Variants in FSTL4 observed in about 807,000 individuals in gnomAD.
FSTL4 encodes the protein follistatin-related protein 4.
A neutral mutation model predicts 78.2 loss-of-function variants in FSTL4; 28 were observed. The observed-to-expected ratio is 0.36, with a 90% CI of 0.27 to 0.49. The LOEUF (loss-of-function observed/expected upper bound fraction) is 0.49. Among genes scored for constraint, FSTL4 ranks in the 20% least tolerant of loss-of-function variants. The pLI, the probability that FSTL4 is intolerant of heterozygous loss-of-function variation, is 0.98. For synonymous variants in FSTL4, 422 were observed against 440.5 expected (o/e 0.96, Z 0.53); for missense variants, 922 against 1,084.9 (o/e 0.85, Z 2.11).
chr5:133,539,414 C>T lies in FSTL4; in HGVS notation c.160+27772G>A, dbSNP rs112048019. Among the ~76,000 whole-genome samples, 106 of 152,212 alleles carry T rather than the reference C, an allele frequency of 7.0e-4. 2 individuals carry two copies. The highest frequency in any genetic ancestry group is 2.4e-3 in the African/African-American group (99 of 41,492). ...CAGACAAGACTTCTCATGTGAGGTT[C>T]CTAGGATTCAGCTCCTCGCACACCA... On this transcript the variant is annotated intron_variant, in intron 3 of 15. Coordinates refer to ENST00000265342, the MANE Select transcript of FSTL4 (RefSeq NM_015082.2).
chr5:133,834,229 T>C, the FSTL4 span, among the ~76,000 whole-genome samples: 1 of 152,196 alleles, frequency 6.6e-6, no homozygotes, highest in Non-Finnish European at 1.5e-5. Context: ...TAAGCTGGCA[T>C]GGTTTTTCTA....
chr5:133,700,360 G>GCACCACACCAAAC, the FSTL4 span, among the ~76,000 whole-genome samples: 11 of 127,240 alleles, frequency 8.6e-5, no homozygotes, highest in African/African-American at 2.8e-4. Context: ...TCACACCAAA[G>GCACCACACCAAAC]CACCACACCA....
chr5:133,347,362 C>A (rs1754719228), intron 4 of FSTL4, among the ~76,000 whole-genome samples: 1 of 152,106 alleles, frequency 6.6e-6, no homozygotes. Context: ...TTTATTTTTA[C>A]TTTTTTGATA....
At chr5:133,324,806 C>T (rs552611464) in intron 4 of FSTL4, among the ~76,000 whole-genome samples, 1 of 152,230 alleles carries the variant, frequency 6.6e-6, no homozygotes, top group African/African-American at 2.4e-5. Context: ...ACCATGGTGA[C>T]GGGTCTGGAT....
Position 133,221,891 on chromosome 5 carries a change from G to GTTTTTTTTTTTTTTTTT in FSTL4, c.1340-1042_1340-1026dup, listed in dbSNP as rs59400068. On this transcript the variant is annotated intron_variant, in intron 11 of 15. Coordinates refer to ENST00000265342, the MANE Select transcript of FSTL4 (RefSeq NM_015082.2). ...AATATGTAGAAAAATCTCTTTTCTA[G>GTTTTTTTTTTTTTTTTT]TTTTTTTTTTTTTTTTTTTTTTTTT... Among the ~76,000 whole-genome samples the GTTTTTTTTTTTTTTTTT allele has an allele frequency of 9.2e-5, 4 of 43,360 alleles. 1 individual carries two copies. Among genetic ancestry groups the GTTTTTTTTTTTTTTTTT allele is most frequent in the Admixed American group, 3.0e-4 (1 of 3,308 alleles). The allele number at this position is 43,360 out of a possible 152,430, so 28.4% of individuals were successfully genotyped here. A position where few individuals can be genotyped will look rare whatever the true frequency, so the allele number is the denominator to read the frequency against.
chr5:133,784,782 T>A, the FSTL4 span, among the ~76,000 whole-genome samples: 1 of 152,144 alleles, frequency 6.6e-6, no homozygotes, highest in Non-Finnish European at 1.5e-5. Context: ...GCACAAAGTT[T>A]GTTTTCAGGT....
chr5:133,673,901 A>T, the FSTL4 span, among the ~76,000 whole-genome samples: 71 of 152,222 alleles, frequency 4.7e-4, no homozygotes, highest in Non-Finnish European at 9.3e-4. Context: ...AAGTGCCAGA[A>T]TTAACTTCTC....
intron 14 of FSTL4, 66 bp from the exon 15 acceptor site, chr5:133,202,108 G>A (rs1750341899): frequency 1.0e-6 from 1 of 993,432 alleles, no homozygotes; most frequent in Non-Finnish European, 1.5e-6. Context: ...GGAGACACCT[G>A]TACGCTCAGG....
At chr5:133,465,388 G>T (rs1757685938) in intron 3 of FSTL4, among the ~76,000 whole-genome samples, 1 of 152,240 alleles carries the variant, frequency 6.6e-6, no homozygotes, top group African/African-American at 2.4e-5. Context: ...ATATGAACAG[G>T]ATTCTGTGCT....
the FSTL4 span, among the ~76,000 whole-genome samples, chr5:133,728,744 T>A: frequency 6.7e-6 from 1 of 149,746 alleles, no homozygotes; most frequent in Non-Finnish European, 1.5e-5. Flanking sequence ...TCTAACCAAA[T>A]AAAAGAGGTA....
the FSTL4 span, among the ~76,000 whole-genome samples, chr5:133,622,360 G>T: frequency 6.6e-6 from 1 of 152,134 alleles, no homozygotes; most frequent in Non-Finnish European, 1.5e-5. Flanking sequence ...ACAGGTTATT[G>T]TGTGAACATA....
intron 3 of FSTL4, among the ~76,000 whole-genome samples, chr5:133,500,373 T>C (rs531779547): frequency 2.0e-4 from 30 of 152,314 alleles, no homozygotes; most frequent in African/African-American, 6.7e-4. Context: ...TCACCCTGCC[T>C]GACTCTGCCT....
chr5:133,359,504 A>G (rs183736617), intron 4 of FSTL4, among the ~76,000 whole-genome samples: 38 of 152,334 alleles, frequency 2.5e-4, no homozygotes, highest in African/African-American at 9.1e-4. Flanking sequence ...TAGAAATCAG[A>G]TCAGCAATGG....
intron 15 of FSTL4, among the ~76,000 whole-genome samples, chr5:133,201,074 G>A (rs975211888): frequency 2.0e-5 from 3 of 152,234 alleles, no homozygotes; most frequent in Middle Eastern, 6.8e-3. Flanking sequence ...CTTGGGTGAG[G>A]GTGAATGGGT....
At chr5:133,310,049 ACC>A in intron 6 of FSTL4, among the ~76,000 whole-genome samples, 1 of 152,224 alleles carries the variant, frequency 6.6e-6, no homozygotes. Flanking sequence ...AATTCGCTGA[ACC>A]ATAAATCTAT....
At chr5:133,838,007 C>A in the FSTL4 span, among the ~76,000 whole-genome samples, 1 of 152,172 alleles carries the variant, frequency 6.6e-6, no homozygotes, top group Non-Finnish European at 1.5e-5. Context: ...CCTGCCTCAA[C>A]CTCCCCAGTT....
chr5:133,476,887 A>G (rs10052909), intron 3 of FSTL4, among the ~76,000 whole-genome samples: 1,647 of 152,276 alleles, frequency 0.011, 27 homozygotes, highest in African/African-American at 0.038. Flanking sequence ...CTGAAGAAGG[A>G]TCAAGCCAAT....
At chr5:133,713,571 G>A in the FSTL4 span, among the ~76,000 whole-genome samples, 1 of 152,172 alleles carries the variant, frequency 6.6e-6, no homozygotes, top group Admixed American at 6.5e-5. Flanking sequence ...AAGCCATGAG[G>A]TCAAGCTAGC....
At chr5:133,567,397 C>T (rs1760049462) in intron 2 of FSTL4, among the ~76,000 whole-genome samples, 178 bp from the exon 3 acceptor site, 1 of 152,180 alleles carries the variant, frequency 6.6e-6, no homozygotes, top group Non-Finnish European at 1.5e-5. Context: ...TAAATGTAAA[C>T]AACTTGTTGC....
Sources: gnomAD v4.1 joint callset for allele counts (sites outside exome capture counted in the v4.1 genomes callset) on GRCh38, gnomAD v4.1.1 for gene constraint, MANE v1.5 for transcripts, NCBI Gene and HGNC (gene_info 2026-07-23, HGNC 2026-07-21) for gene names.